CHL1: variants seen among roughly 807,000 people sequenced by gnomAD.
CHL1 encodes the protein neural cell adhesion molecule L1-like protein.
A neutral mutation model predicts 141.9 loss-of-function variants in CHL1; 96 were observed. The ratio of observed to expected loss-of-function variants is 0.68; its 90% CI spans 0.57 to 0.80. The LOEUF (loss-of-function observed/expected upper bound fraction) is 0.80. Among genes scored for constraint, CHL1 ranks in the 30% least tolerant of loss-of-function variants. CHL1 has a pLI of 0.00. For synonymous variants in CHL1, 613 were observed against 502.2 expected (o/e 1.22, Z -2.95); for missense variants, 1,820 against 1,457.2 (o/e 1.25, Z -4.05).
chr3:277,633 G>T (rs1230185731), intron 2 of CHL1, among the ~76,000 whole-genome samples: 1 of 152,124 alleles, frequency 6.6e-6, no homozygotes, highest in Non-Finnish European at 1.5e-5. Context: ...CAAAAAAAGG[G>T]CATTCAGAAC....
chr3:341,891 T>C, intron 6 of CHL1, 21 bp from the exon 7 acceptor site: 1 of 1,547,740 alleles, frequency 6.5e-7, no homozygotes, highest in Non-Finnish European at 8.8e-7. Flanking sequence ...CCCTTTTCAA[T>C]GGCAAGATAT....
At chr3:256,316 G>T (rs1418654829) in intron 2 of CHL1, among the ~76,000 whole-genome samples, 1 of 152,170 alleles carries the variant, frequency 6.6e-6, no homozygotes, top group Non-Finnish European at 1.5e-5. Flanking sequence ...CTTATAGCAT[G>T]GTAAAGCAGA....
chr3:331,531 C>G lies in CHL1; in HGVS notation c.385+3177C>G, dbSNP rs114447299. ...TGCTGGGATTACAGGCATGAGCCAC[C>G]ATGCCCAGTGTGGGATGATTTCTTT... On this transcript the variant is annotated intron_variant, in intron 5 of 27. Transcript: ENST00000256509. 5.2e-3 allele frequency among the ~76,000 whole-genome samples: 787 copies of G among 152,200 alleles called. 10 individuals carry two copies. Among genetic ancestry groups the G allele is most frequent in the African/African-American group, 0.017 (719 of 41,528 alleles).
At chr3:363,798 T>C (rs1704536226) in intron 14 of CHL1, 1 of 157,290 alleles carries the variant, frequency 6.4e-6, no homozygotes, top group South Asian at 1.9e-4. Flanking sequence ...GAGGAGGGTT[T>C]TTGATCCTCT....
In CHL1 at chr3:254,972, T is replaced by C. The variant is rs562873959; in HGVS notation, c.-95+10280T>C. 1.6e-4 allele frequency among the ~76,000 whole-genome samples: 24 copies of C among 152,320 alleles called. No individual in the cohort carries two copies. The South Asian group carries it at 4.8e-3, about 30-fold the overall frequency. ...TCATGCAAAGAAGCCAAAGTTATAT[T>C]TCCTATTGTCCCTACCCTTTCCTCA... On this transcript the variant is annotated intron_variant, in intron 2 of 27. Transcript: ENST00000256509.
chr3:236,650 G>A (rs1692011870), intron 1 of CHL1, among the ~76,000 whole-genome samples: 2 of 152,114 alleles, frequency 1.3e-5, no homozygotes, highest in Admixed American at 1.3e-4. Flanking sequence ...CTTCCAAGTT[G>A]TAACAGGCCA....
chr3:398,974 C>T (rs762213839), intron 25 of CHL1, 43 bp from the exon 26 acceptor site: 13 of 1,588,680 alleles, frequency 8.2e-6, no homozygotes, highest in Non-Finnish European at 1.1e-5. Flanking sequence ...ATACAAAAGA[C>T]TGTTTCTAGT....
At chr3:267,000 C>T (rs139305325) in intron 2 of CHL1, among the ~76,000 whole-genome samples, 67 of 152,282 alleles carry the variant, frequency 4.4e-4, no homozygotes, top group African/African-American at 1.4e-3. Context: ...ACCTCCATAA[C>T]ATTTACCTGC....
chr3:358,577 C>G (rs990323229), intron 11 of CHL1, among the ~76,000 whole-genome samples: 1 of 152,104 alleles, frequency 6.6e-6, no homozygotes, highest in African/African-American at 2.4e-5. Context: ...GGTTACCCAA[C>G]CTAACATTTT....
At chr3:392,761 C>T (rs1978731) in intron 23 of CHL1, among the ~76,000 whole-genome samples, 130,556 of 152,228 alleles carry the variant, frequency 0.86, 58,800 homozygotes, top group East Asian at 1. Flanking sequence ...GCTTTAGTTT[C>T]TGATGGTTTC....
intron 3 of CHL1, among the ~76,000 whole-genome samples, chr3:321,534 G>A (rs774397518): frequency 6.6e-6 from 1 of 152,038 alleles, no homozygotes; most frequent in Non-Finnish European, 1.5e-5. Flanking sequence ...CTTCCGAATA[G>A]CAACGAAGAT....
At chr3:240,830 C>T (rs1692488446) in intron 1 of CHL1, among the ~76,000 whole-genome samples, 1 of 150,458 alleles carries the variant, frequency 6.6e-6, no homozygotes, top group Non-Finnish European at 1.5e-5. Context: ...CGAATTATCG[C>T]AGCATCATTT....
chr3:275,368 G>C (rs1356912915), intron 2 of CHL1, among the ~76,000 whole-genome samples: 2 of 152,240 alleles, frequency 1.3e-5, no homozygotes, highest in African/African-American at 4.8e-5. Context: ...CAGGACAGTA[G>C]CAAACATCTT....
chr3:222,972 A>T (rs1700988466), intron 1 of CHL1, among the ~76,000 whole-genome samples: 1 of 152,120 alleles, frequency 6.6e-6, no homozygotes, highest in South Asian at 2.1e-4. Flanking sequence ...ACATCTTTTC[A>T]GATTCTGACC....
intron 19 of CHL1, chr3:384,331 A>C (rs1434589010): frequency 6.6e-6 from 1 of 152,630 alleles, no homozygotes; most frequent in Non-Finnish European, 1.5e-5. Flanking sequence ...AGTAATTCTG[A>C]GGATGGTCTT....
intron 1 of CHL1, among the ~76,000 whole-genome samples, chr3:210,616 C>T (rs918755163): frequency 1.3e-5 from 2 of 152,184 alleles, no homozygotes; most frequent in Admixed American, 1.3e-4. Flanking sequence ...GTCCTCAGAC[C>T]GTTCAGATTC....
chr3:206,165 T>TA (rs1388456500), intron 1 of CHL1, among the ~76,000 whole-genome samples: 2 of 152,154 alleles, frequency 1.3e-5, no homozygotes, highest in African/African-American at 4.8e-5. Context: ...ATGGTGGCAT[T>TA]AAATATGAGG....
intron 4 of CHL1, among the ~76,000 whole-genome samples, chr3:327,017 A>G (rs992571170): frequency 2.0e-5 from 3 of 151,928 alleles, no homozygotes; most frequent in East Asian, 1.9e-4. Context: ...TATTCAATCA[A>G]TATGGATATA....
intron 2 of CHL1, among the ~76,000 whole-genome samples, chr3:251,314 A>G (rs1262308984): frequency 1.3e-5 from 2 of 152,156 alleles, no homozygotes; most frequent in Non-Finnish European, 2.9e-5. Context: ...TAATGCACTG[A>G]GAATGGATTT....
Sources: gnomAD v4.1 joint callset for allele counts (sites outside exome capture counted in the v4.1 genomes callset) on GRCh38, gnomAD v4.1.1 for gene constraint, MANE v1.5 for transcripts, NCBI Gene and HGNC (gene_info 2026-07-23, HGNC 2026-07-21) for gene names.